Variants in GLO1 observed in about 807,000 individuals in gnomAD.
The protein encoded by GLO1 is glyoxalase I.
A neutral mutation model predicts 26.0 loss-of-function variants in GLO1; 28 were observed. That is an observed-to-expected ratio of 1.08 (90% CI 0.80 to 1.48). GLO1 has a LOEUF of 1.48. GLO1 is among the 40% of genes most tolerant of loss of function. The pLI is 0.00. For synonymous variants in GLO1, 78 were observed against 77.6 expected (o/e 1.00, Z -0.03); for missense variants, 225 against 224.8 (o/e 1.00, Z -0.01).
Position 38,703,035 on chromosome 6 carries a change from G to A in GLO1, c.20C>T (p.Pro7Leu), listed in dbSNP as rs1275593183. Reference sequence around the variant, plus strand: ...GGCCTCGTCCGTGAGGCCGCCGGACGGGGGCTGCGGTTCTGCCATGGCTGC... The same window carrying A: ...GGCCTCGTCCGTGAGGCCGCCGGACAGGGGCTGCGGTTCTGCCATGGCTGC... Reference protein sequence around the residue: MAEPQPPSGGLTDEAAL... With the variant: MAEPQPLSGGLTDEAAL... The change falls in exon 1 of 6, where the codon CCG becomes CTG. Residue 7 changes from proline (P) to leucine (L), a missense_variant. Coordinates refer to ENST00000373365, the MANE Select transcript of GLO1 (RefSeq NM_006708.3). 2 of 1,590,302 alleles carry A rather than the reference G, an allele frequency of 1.3e-6. No homozygotes were observed. The highest frequency in any genetic ancestry group is 2.3e-5 in the East Asian group (1 of 44,442).
intron 1 of GLO1, among the ~76,000 whole-genome samples, chr6:38,691,138 A>T (rs1761524108): frequency 6.6e-6 from 1 of 152,206 alleles, no homozygotes; most frequent in South Asian, 2.1e-4. Flanking sequence ...AACAATAAAA[A>T]TAAGGTGTCT....
intron 3 of GLO1, chr6:38,683,129 G>A: frequency 2.3e-6 from 1 of 430,688 alleles, no homozygotes; most frequent in Non-Finnish European, 4.2e-6. Flanking sequence ...CTCATTTATT[G>A]TGCTAAGTAC....
intron 1 of GLO1, among the ~76,000 whole-genome samples, chr6:38,691,411 C>G (rs557036616): frequency 2.0e-5 from 3 of 152,088 alleles, no homozygotes; most frequent in African/African-American, 7.2e-5. Context: ...GAGCTTCAAG[C>G]GATTCTCCTG....
chr6:38,688,742 A>G (rs1395696721), intron 1 of GLO1, among the ~76,000 whole-genome samples: 1 of 152,204 alleles, frequency 6.6e-6, no homozygotes, highest in African/African-American at 2.4e-5. Context: ...AGGGAGGTGC[A>G]AGCAAGGACT....
At chr6:38,698,680 G>A (rs1761646821) in intron 1 of GLO1, among the ~76,000 whole-genome samples, 1 of 103,290 alleles carries the variant, frequency 9.7e-6, no homozygotes, top group African/African-American at 4.0e-5. Context: ...TTTTTTTTGA[G>A]ACGGAGTCTC....
chr6:38,689,541 T>C (rs538514256), intron 1 of GLO1, among the ~76,000 whole-genome samples: 1 of 152,336 alleles, frequency 6.6e-6, no homozygotes, highest in East Asian at 1.9e-4. Context: ...GTAGATGCCA[T>C]GCCAAGTACT....
chr6:38,696,738 A>G (rs1344020779), intron 1 of GLO1, among the ~76,000 whole-genome samples: 1 of 152,230 alleles, frequency 6.6e-6, no homozygotes, highest in Non-Finnish European at 1.5e-5. Flanking sequence ...CTCAGTCTGC[A>G]GAAAGGAGAA....
intron 5 of GLO1, among the ~76,000 whole-genome samples, chr6:38,677,924 C>T (rs1761286752): frequency 6.6e-6 from 1 of 152,100 alleles, no homozygotes; most frequent in South Asian, 2.1e-4. Flanking sequence ...AGGTATCAGG[C>T]ATTTGCCTCA....
At position 38,703,131 on chromosome 6, in the gene GLO1, G is replaced by A. The variant is rs1202573045; in HGVS notation, c.-77C>T. The A allele has an allele frequency of 3.5e-6, 3 of 854,874 alleles. No individual in the cohort carries two copies. The highest frequency in any genetic ancestry group is 5.6e-6 in the Non-Finnish European group (3 of 540,012). The allele number at this position is 854,874 out of a possible 1,614,324, so 53.0% of individuals were successfully genotyped here. A position where few individuals can be genotyped will look rare whatever the true frequency, so the allele number is the denominator to read the frequency against. On this transcript the variant is annotated 5_prime_UTR_variant, in exon 1 of 6. Coordinates refer to ENST00000373365, the MANE Select transcript of GLO1 (RefSeq NM_006708.3). Reference sequence around the variant, plus strand: ...CCACACTACGCCTCGGCCCTGTGCCGCCTTAACTAGGAATGGCGCGATGGC... The same window carrying A: ...CCACACTACGCCTCGGCCCTGTGCCACCTTAACTAGGAATGGCGCGATGGC...
chr6:38,693,685 C>CTCTCTCTCTCTCTCTATA (rs869232489), intron 1 of GLO1, among the ~76,000 whole-genome samples: 169 of 86,376 alleles, frequency 2.0e-3, no homozygotes, highest in East Asian at 7.4e-3. Flanking sequence ...CTCTCTCTCT[C>CTCTCTCTCTCTCTCTATA]TATATATATA....
intron 5 of GLO1, among the ~76,000 whole-genome samples, chr6:38,678,324 G>T (rs866040982): frequency 6.8e-6 from 1 of 148,148 alleles, no homozygotes; most frequent in Non-Finnish European, 1.5e-5. Flanking sequence ...AAGAGAGAAA[G>T]AGAAAGAGAA....
chr6:38,699,728 G>A (rs1039919892), intron 1 of GLO1, among the ~76,000 whole-genome samples: 33 of 152,192 alleles, frequency 2.2e-4, no homozygotes, highest in African/African-American at 6.7e-4. Flanking sequence ...GCTTACTAGG[G>A]TGGGGAAAAA....
intron 5 of GLO1, among the ~76,000 whole-genome samples, chr6:38,678,406 A>AGGG (rs376995963): frequency 3.7e-5 from 5 of 135,286 alleles, no homozygotes; most frequent in African/African-American, 1.5e-4. Flanking sequence ...AAGGAAAAGA[A>AGGG]AAGGAAAAGA....
chr6:38,682,062 CA>C lies in GLO1; in HGVS notation c.415del (p.Cys139ValfsTer12). On this transcript the variant is annotated frameshift_variant, in exon 5 of 6. Transcript: ENST00000373365. LOFTEE classifies it high-confidence loss of function. ...GIAVPDVYSA[C>X]KRFEELGVKF... is the part of the protein sequence containing the mutation. ...GACTCCCAGTTCTTCAAACCTTTTA[CA>C]AGCACTGTATACATCAGGAACAGCA... 1 of 1,598,130 alleles carries C rather than the reference CA, an allele frequency of 6.3e-7. No homozygotes were observed.
Position 38,682,696 on chromosome 6 carries a change from T to C in GLO1, c.376+112A>G, listed in dbSNP as rs1761398988. On this transcript the variant is annotated intron_variant, in intron 4 of 5. Coordinates refer to ENST00000373365, the MANE Select transcript of GLO1 (RefSeq NM_006708.3). ...AAAAATAATCATATCTCTAATAAAT[T>C]GATCATACTTAATTAGGACATTAAT... 6 of 542,394 alleles carry C rather than the reference T, an allele frequency of 1.1e-5. No individual in the cohort carries two copies. The East Asian group carries it at 1.8e-4, about 16-fold the overall frequency. The allele number at this position is 542,394 out of a possible 1,614,324, so 33.6% of individuals were successfully genotyped here.
chr6:38,681,938 C>A, intron 5 of GLO1, 74 bp downstream of exon 5: 1 of 799,270 alleles, frequency 1.3e-6, no homozygotes, highest in Non-Finnish European at 2.3e-6. Flanking sequence ...GGTTTTACTA[C>A]AACAGTGGCC....
intron 1 of GLO1, among the ~76,000 whole-genome samples, chr6:38,697,970 TTCC>T (rs1220010940): frequency 1.3e-5 from 2 of 152,182 alleles, no homozygotes; most frequent in Non-Finnish European, 2.9e-5. Context: ...ACTTCAGTGG[TTCC>T]TCAACACATT....
At chr6:38,698,385 C>T (rs1166281831) in intron 1 of GLO1, among the ~76,000 whole-genome samples, 1 of 150,174 alleles carries the variant, frequency 6.7e-6, no homozygotes, top group African/African-American at 2.4e-5. Flanking sequence ...CTACTGCATT[C>T]AATTCCACCA....
intron 1 of GLO1, among the ~76,000 whole-genome samples, chr6:38,691,074 G>C (rs1761522245): frequency 6.6e-6 from 1 of 152,090 alleles, no homozygotes; most frequent in African/African-American, 2.4e-5. Context: ...CTCATGTCTT[G>C]TCTCACCTGA....
Sources: allele counts gnomAD v4.1 joint callset (sites outside exome capture counted in the v4.1 genomes callset), GRCh38; gene constraint gnomAD v4.1.1; transcripts MANE v1.5; gene names NCBI Gene and HGNC (gene_info 2026-07-23, HGNC 2026-07-21).